PLS1: variants seen among roughly 807,000 people sequenced by gnomAD.
The protein encoded by PLS1 is plastin-1.
In PLS1, 32 loss-of-function variants were observed where a neutral mutation model predicts 73.7. That is an observed-to-expected ratio of 0.43 (90% CI 0.33 to 0.58). PLS1 has a LOEUF of 0.58. Among genes scored for constraint, PLS1 ranks in the 20% least tolerant of loss-of-function variants. The pLI is 0.04. For synonymous variants in PLS1, 217 were observed against 261.3 expected (o/e 0.83, Z 1.63); for missense variants, 633 against 740.5 (o/e 0.85, Z 1.68).
chr3:142,633,918 G>T (rs1456110803), intron 1 of PLS1, among the ~76,000 whole-genome samples: 3 of 152,102 alleles, frequency 2.0e-5, no homozygotes, highest in African/African-American at 7.2e-5. Flanking sequence ...TCAGACAATG[G>T]CATTAAAATG....
chr3:142,659,493 A>AT (rs1016031854), intron 1 of PLS1, among the ~76,000 whole-genome samples: 1 of 151,636 alleles, frequency 6.6e-6, no homozygotes. Flanking sequence ...TATTTGTTTC[A>AT]TTTTTTTTAA....
chr3:142,661,402 C>T (rs765162316), intron 1 of PLS1, among the ~76,000 whole-genome samples: 2 of 151,908 alleles, frequency 1.3e-5, no homozygotes, highest in Non-Finnish European at 2.9e-5. Flanking sequence ...TAAAATAAGA[C>T]CAAAAGATTA....
chr3:142,643,681 A>T (rs2036888062), intron 1 of PLS1, among the ~76,000 whole-genome samples: 1 of 152,222 alleles, frequency 6.6e-6, no homozygotes, highest in Admixed American at 6.5e-5. Context: ...AATACTGAGT[A>T]TGCGTAGAGC....
At chr3:142,651,524 A>C (rs1274715309) in intron 1 of PLS1, among the ~76,000 whole-genome samples, 1 of 150,696 alleles carries the variant, frequency 6.6e-6, no homozygotes, top group African/African-American at 2.4e-5. Context: ...GGGGGGTCTC[A>C]CTGTCTTGCT....
chr3:142,653,233 ATTC>A (rs2037140440), intron 1 of PLS1, among the ~76,000 whole-genome samples: 1 of 152,012 alleles, frequency 6.6e-6, no homozygotes, highest in Non-Finnish European at 1.5e-5. Context: ...TCTTTCTCTT[ATTC>A]TTGTTTTCTT....
At chr3:142,620,188 G>A (rs768800232) in intron 1 of PLS1, among the ~76,000 whole-genome samples, 1 of 151,614 alleles carries the variant, frequency 6.6e-6, no homozygotes, top group Non-Finnish European at 1.5e-5. Flanking sequence ...GCAGTGGCAC[G>A]ATCTCGGCTC....
chr3:142,687,886 AT>A (rs776860783), intron 9 of PLS1, among the ~76,000 whole-genome samples: 1 of 151,182 alleles, frequency 6.6e-6, no homozygotes, highest in Non-Finnish European at 1.5e-5. Flanking sequence ...CATAAATGCC[AT>A]TTTTTTCATA....
At chr3:142,679,887 T>C (rs1399380274) in intron 6 of PLS1, among the ~76,000 whole-genome samples, 1 of 152,178 alleles carries the variant, frequency 6.6e-6, no homozygotes, top group Non-Finnish European at 1.5e-5. Flanking sequence ...TTCATGATAT[T>C]GATTCTTCCT....
Position 142,696,720 on chromosome 3 carries a change from A to AAATAATAATAAT in PLS1, c.1257-1204_1257-1193dup, listed in dbSNP as rs370809568. Among the ~76,000 whole-genome samples, 520 of 136,848 alleles carry AAATAATAATAAT rather than the reference A, an allele frequency of 3.8e-3. 3 individuals are homozygous for AAATAATAATAAT. The highest frequency in any genetic ancestry group is 6.8e-3 in the African/African-American group (232 of 33,950). The allele number at this position is 136,848 out of a possible 152,430, so 89.8% of individuals were successfully genotyped here. A position where few individuals can be genotyped will look rare whatever the true frequency, so the allele number is the denominator to read the frequency against. On this transcript the variant is annotated intron_variant, in intron 11 of 15. Coordinates refer to ENST00000457734, the MANE Select transcript of PLS1 (RefSeq NM_001145319.2). ...TCTCTGGACCTCAGTTCTATTTGCA[A>AAATAATAATAAT]AATAATAATAATAATAATAATAATA... is the stretch of plus-strand genomic sequence containing the variant.
chr3:142,653,364 CTTTT>C (rs34669181), intron 1 of PLS1, among the ~76,000 whole-genome samples: 1 of 132,202 alleles, frequency 7.6e-6, no homozygotes, highest in Non-Finnish European at 1.6e-5. Context: ...AGGTCAGAAA[CTTTT>C]TTTTTTTTTT....
intron 1 of PLS1, among the ~76,000 whole-genome samples, chr3:142,657,907 A>G (rs961220200): frequency 6.6e-6 from 1 of 152,188 alleles, no homozygotes; most frequent in African/African-American, 2.4e-5. Context: ...TAAGTTTCCT[A>G]AAGCCTTGGT....
chr3:142,612,398 T>C (rs2036140182), intron 1 of PLS1, among the ~76,000 whole-genome samples: 1 of 152,230 alleles, frequency 6.6e-6, no homozygotes. Context: ...TGCTCTGTTA[T>C]ATGTGATAAG....
At chr3:142,611,604 A>G (rs570431076) in intron 1 of PLS1, among the ~76,000 whole-genome samples, 1 of 152,210 alleles carries the variant, frequency 6.6e-6, no homozygotes, top group Non-Finnish European at 1.5e-5. Context: ...CCTTGGCAAC[A>G]GAGCAATACC....
intron 6 of PLS1, among the ~76,000 whole-genome samples, chr3:142,682,517 A>T (rs2037877058): frequency 6.6e-6 from 1 of 152,166 alleles, no homozygotes. Context: ...AATTTAGCGA[A>T]ATTACACACT....
rs1166109106 is a variant in PLS1, at chr3:142,671,096, G to GT, written c.339dup (p.Glu114Ter). ...ATTGGAGGAACTTCAACTATTTCCAGTGAGGGCACACAGCATTCTTATTCA... is the reference window on the plus strand; with the variant it reads ...ATTGGAGGAACTTCAACTATTTCCAGTTGAGGGCACACAGCATTCTTATTCA... On this transcript the variant is annotated frameshift_variant, in exon 4 of 16. Transcript: ENST00000457734. LOFTEE classifies it high-confidence loss of function. 1 of 1,611,450 alleles carries GT rather than the reference G, an allele frequency of 6.2e-7. No homozygotes were observed. The highest frequency in any genetic ancestry group is 8.5e-7 in the Non-Finnish European group (1 of 1,178,202).
At chr3:142,655,969 T>G (rs2037227296) in intron 1 of PLS1, among the ~76,000 whole-genome samples, 1 of 152,140 alleles carries the variant, frequency 6.6e-6, no homozygotes, top group Non-Finnish European at 1.5e-5. Context: ...TACTTTTTTT[T>G]GTTTGTTTTT....
At chr3:142,697,868 A>G (rs1577905919) in intron 11 of PLS1, 85 bp from the exon 12 acceptor site, 1 of 707,104 alleles carries the variant, frequency 1.4e-6, no homozygotes, top group South Asian at 1.8e-5. Flanking sequence ...TCTTAAAGAT[A>G]TAAGTCTATC....
Position 142,677,763 on chromosome 3 carries a change from G to A in PLS1, c.498-269G>A, listed in dbSNP as rs557346679. Among the ~76,000 whole-genome samples, 5 of 152,212 alleles carry A rather than the reference G, an allele frequency of 3.3e-5. No individual in the cohort carries two copies. The South Asian group carries it at 6.2e-4, about 19-fold the overall frequency. On this transcript the variant is annotated intron_variant, in intron 5 of 15. Transcript: ENST00000457734. Reference sequence around the variant, plus strand: ...ATATTTCTTGGATTTTAAGAATTAAGTTCCGGCATGAATTATAGTTTAATT... The same window carrying A: ...ATATTTCTTGGATTTTAAGAATTAAATTCCGGCATGAATTATAGTTTAATT...
chr3:142,703,911 C>A lies in PLS1; in HGVS notation c.1415C>A (p.Ala472Asp). The change falls in exon 13 of 16, where the codon GCC (alanine) becomes GAC (aspartate). Residue 472 changes from alanine to aspartate, a missense_variant. Transcript: ENST00000457734. ...NYAVELGKNK[A>D]KFSLVGIAGQ... is the part of the protein sequence containing the mutation. ...GCAGTGGAACTTGGGAAGAACAAGG[C>A]CAAATTCTCCTTGGTTGGCATTGCT... 6.2e-7 allele frequency: 1 copy of A among 1,611,902 alleles called. No homozygotes were observed.
Sources: allele counts gnomAD v4.1 joint callset (sites outside exome capture counted in the v4.1 genomes callset), GRCh38; gene constraint gnomAD v4.1.1; transcripts MANE v1.5; gene names NCBI Gene and HGNC (gene_info 2026-07-23, HGNC 2026-07-21).